Variants in CD163L1 observed in about 807,000 individuals in gnomAD.
CD163L1 encodes scavenger receptor cysteine-rich type 1 protein M160.
A neutral mutation model predicts 165.4 loss-of-function variants in CD163L1; 124 were observed. That is an observed-to-expected ratio of 0.75 (90% CI 0.65 to 0.87). The LOEUF is 0.87. CD163L1 is among the 40% of genes least tolerant of loss of function. The pLI, the probability that CD163L1 is intolerant of heterozygous loss-of-function variation, is 0.00. For missense variants in CD163L1, 1,525 were observed against 1,799.9 expected (o/e 0.85, Z 2.76); for synonymous variants, 585 against 662.2 (o/e 0.88, Z 1.79).
rs748435564 is a variant in CD163L1 at position 7,380,356 on chromosome 12, T to C, written c.2051-1058A>G. On this transcript the variant is annotated intron_variant, in intron 8 of 19. Transcript: ENST00000313599. ...ATACACGTATACATACATGTATGTG[T>C]GTATACGCGTATACATACATGTATG... Among the ~76,000 whole-genome samples, 11 of 147,108 alleles carry C rather than the reference T, an allele frequency of 7.5e-5. No individual in the cohort carries two copies. In the South Asian group the frequency reaches 1.1e-3, roughly 15 times the overall value.
chr12:7,388,894 GT>G (rs1335558242), intron 8 of CD163L1, among the ~76,000 whole-genome samples: 1 of 152,128 alleles, frequency 6.6e-6, no homozygotes, highest in Admixed American at 6.5e-5. Flanking sequence ...AAGGAAATCA[GT>G]ACACCAAAGG....
At chr12:7,423,089 C>A (rs1948469498) in intron 4 of CD163L1, among the ~76,000 whole-genome samples, 1 of 152,048 alleles carries the variant, frequency 6.6e-6, no homozygotes, top group Admixed American at 6.6e-5. Context: ...ATAAACACTC[C>A]TCAGCAAATG....
intron 19 of CD163L1, among the ~76,000 whole-genome samples, chr12:7,357,099 G>A (rs1591867032): frequency 6.6e-6 from 1 of 152,240 alleles, no homozygotes; most frequent in South Asian, 2.1e-4. Context: ...AGCAGTATGT[G>A]AAGCTGAGAT....
intron 8 of CD163L1, among the ~76,000 whole-genome samples, chr12:7,392,913 A>G (rs1947687692): frequency 6.6e-6 from 1 of 152,186 alleles, no homozygotes. Context: ...CTGGCTCTGA[A>G]ATTGAGCCAA....
At chr12:7,443,670 A>G (rs1444627353) in intron 1 of CD163L1, among the ~76,000 whole-genome samples, 5 of 152,224 alleles carry the variant, frequency 3.3e-5, no homozygotes, top group African/African-American at 9.6e-5. Context: ...GTTAGTCCTT[A>G]TAAGTCTTCA....
chr12:7,330,567 T>C, the CD163L1 span, among the ~76,000 whole-genome samples: 14 of 152,198 alleles, frequency 9.2e-5, no homozygotes, highest in African/African-American at 3.4e-4. Flanking sequence ...CCTAGAACTG[T>C]CTAACTAGGG....
At chr12:7,404,200 A>C (rs528684474) in intron 5 of CD163L1, among the ~76,000 whole-genome samples, 40 of 152,184 alleles carry the variant, frequency 2.6e-4, no homozygotes, top group Non-Finnish European at 5.0e-4. Context: ...ATAAACCTAT[A>C]TATCATTAAT....
At chr12:7,340,274 G>A in the CD163L1 span, among the ~76,000 whole-genome samples, 9 of 152,060 alleles carry the variant, frequency 5.9e-5, no homozygotes, top group Non-Finnish European at 1.0e-4. Context: ...ATACATTTCT[G>A]TCTGAGTACA....
At chr12:7,345,438 T>C (rs1036626254), downstream of CD163L1, among the ~76,000 whole-genome samples, 1 of 152,182 alleles carries the variant, frequency 6.6e-6, no homozygotes, top group Non-Finnish European at 1.5e-5. Flanking sequence ...TTCCATTAAG[T>C]TCCTCAATTT....
chr12:7,364,889 C>T (rs1359808595), intron 18 of CD163L1, among the ~76,000 whole-genome samples: 3 of 152,022 alleles, frequency 2.0e-5, no homozygotes, highest in Admixed American at 6.6e-5. Flanking sequence ...TCTTTGAAAA[C>T]ACTAATGACA....
chr12:7,366,202 C>G (rs1277164992), intron 18 of CD163L1, among the ~76,000 whole-genome samples: 1 of 151,670 alleles, frequency 6.6e-6, no homozygotes, highest in Admixed American at 6.6e-5. Context: ...AATGTTGATA[C>G]CATTAAGATA....
intron 9 of CD163L1, among the ~76,000 whole-genome samples, chr12:7,377,436 T>A (rs1947293355): frequency 6.6e-6 from 1 of 151,990 alleles, no homozygotes; most frequent in South Asian, 2.1e-4. Flanking sequence ...CTCCTATCAA[T>A]AAAAAAAATT....
rs1947325902 is a variant in CD163L1, at chr12:7,378,927, G to A, written c.2371+51C>T. 6 of 1,517,850 alleles carry A rather than the reference G, an allele frequency of 4.0e-6. No homozygotes were observed. The South Asian group carries it at 6.4e-5, about 16-fold the overall frequency. The allele number at this position is 1,517,850 out of a possible 1,614,324, so 94.0% of individuals were successfully genotyped here. A position where few individuals can be genotyped will look rare whatever the true frequency, so the allele number is the denominator to read the frequency against. Reference sequence around the variant, plus strand: ...CACTTCATAAACACGTATTAAATAAGTGCAAAAATAAATAATTAAATAAAT... The same window carrying A: ...CACTTCATAAACACGTATTAAATAAATGCAAAAATAAATAATTAAATAAAT... On this transcript the variant is annotated intron_variant, in intron 9 of 19. Transcript: ENST00000313599.
chr12:7,399,207 C>CT (rs199587646), intron 6 of CD163L1, among the ~76,000 whole-genome samples: 5 of 148,978 alleles, frequency 3.4e-5, no homozygotes, highest in Non-Finnish European at 7.4e-5. Flanking sequence ...TCTTCTTTCT[C>CT]TTTTTTTCTT....
the CD163L1 span, among the ~76,000 whole-genome samples, chr12:7,320,389 A>G: frequency 1.3e-5 from 2 of 152,230 alleles, no homozygotes; most frequent in African/African-American, 4.8e-5. Flanking sequence ...GCAGGAGGTT[A>G]CAAGATTACA....
At chr12:7,378,794 T>A (rs1439458232) in intron 9 of CD163L1, among the ~76,000 whole-genome samples, 184 bp downstream of exon 9, 2 of 152,212 alleles carry the variant, frequency 1.3e-5, no homozygotes, top group Non-Finnish European at 2.9e-5. Context: ...CAATTTTAAA[T>A]AAACAGTTAT....
At chr12:7,362,005 A>C (rs7484476) in intron 18 of CD163L1, among the ~76,000 whole-genome samples, 1 of 151,776 alleles carries the variant, frequency 6.6e-6, no homozygotes, top group Admixed American at 6.6e-5. Context: ...TGAATCATGT[A>C]GTATTTATCT....
At chr12:7,319,113 T>A in the CD163L1 span, among the ~76,000 whole-genome samples, 46 of 152,352 alleles carry the variant, frequency 3.0e-4, no homozygotes, top group South Asian at 8.3e-4. Flanking sequence ...ATTGTTTTCC[T>A]GCAACTAGAC....
chr12:7,393,631 C>T lies in CD163L1; in HGVS notation c.2050+2464G>A, dbSNP rs367866749. Among the ~76,000 whole-genome samples the T allele has an allele frequency of 3.3e-5, 5 of 152,160 alleles. No homozygotes were observed. The South Asian group carries it at 6.2e-4, about 19-fold the overall frequency. ...TCAGTTAGGAAAAGAGAAGTCAAATCGTCCCTGTTTGCAGATGACATGATT... is the reference window on the plus strand; with the variant it reads ...TCAGTTAGGAAAAGAGAAGTCAAATTGTCCCTGTTTGCAGATGACATGATT... On this transcript the variant is annotated intron_variant, in intron 8 of 19. Coordinates refer to ENST00000313599, the MANE Select transcript of CD163L1 (RefSeq NM_174941.6).
Sources: allele counts gnomAD v4.1 joint callset (sites outside exome capture counted in the v4.1 genomes callset), GRCh38; gene constraint gnomAD v4.1.1; transcripts MANE v1.5; gene names NCBI Gene and HGNC (gene_info 2026-07-23, HGNC 2026-07-21).